The following DKK2 variants were observed in gnomAD, a reference collection of about 807,000 sequenced individuals.
DKK2 encodes dickkopf-related protein 2.
A neutral mutation model predicts 28.1 loss-of-function variants in DKK2; 11 were observed. That is an observed-to-expected ratio of 0.39 (90% CI 0.25 to 0.65). DKK2 has a LOEUF of 0.65. Among genes scored for constraint, DKK2 ranks in the 30% least tolerant of loss-of-function variants. DKK2 has a pLI of 0.47. For synonymous variants in DKK2, 135 were observed against 126.5 expected, an observed-to-expected ratio of 1.07 and a Z score of -0.45; for missense variants, 326 against 335.5, an observed-to-expected ratio of 0.97 and a Z score of 0.22.
intron 1 of DKK2, among the ~76,000 whole-genome samples, chr4:106,949,670 A>G (rs1301515186): frequency 6.6e-6 from 1 of 152,106 alleles, no homozygotes; most frequent in African/African-American, 2.4e-5. Context: ...TTATATATGG[A>G]ATGAAGGAAA....
chr4:107,009,401 C>G (rs553513489), intron 1 of DKK2, among the ~76,000 whole-genome samples: 4 of 152,076 alleles, frequency 2.6e-5, no homozygotes, highest in South Asian at 2.1e-4. Context: ...AAACTTGGCA[C>G]AGCCGAGTGA....
chr4:107,013,995 C>T (rs1222011471), intron 1 of DKK2, among the ~76,000 whole-genome samples: 1 of 151,290 alleles, frequency 6.6e-6, no homozygotes, highest in Non-Finnish European at 1.5e-5. Flanking sequence ...ATAACAAATA[C>T]CGGCAAGGAT....
intron 1 of DKK2, among the ~76,000 whole-genome samples, chr4:106,988,025 C>T (rs1399841529): frequency 3.9e-5 from 6 of 152,036 alleles, no homozygotes; most frequent in African/African-American, 9.7e-5. Flanking sequence ...CCATCACGCC[C>T]GGCTAATTTT....
intron 1 of DKK2, among the ~76,000 whole-genome samples, chr4:107,003,410 CT>C (rs2110366019): frequency 6.6e-6 from 1 of 152,344 alleles, no homozygotes; most frequent in South Asian, 2.1e-4. Flanking sequence ...TGTGCTCACG[CT>C]CTACTTCTTG....
intron 1 of DKK2, among the ~76,000 whole-genome samples, chr4:106,991,947 T>C (rs1468062713): frequency 6.6e-6 from 1 of 152,162 alleles, no homozygotes; most frequent in Non-Finnish European, 1.5e-5. Flanking sequence ...GTCTTTTGCG[T>C]CACTCCTTTT....
chr4:106,954,613 C>A (rs1262964791), intron 1 of DKK2, among the ~76,000 whole-genome samples: 1 of 152,080 alleles, frequency 6.6e-6, no homozygotes, highest in Non-Finnish European at 1.5e-5. Flanking sequence ...CTTCTGCCAC[C>A]CAGGTTCAAG....
intron 1 of DKK2, among the ~76,000 whole-genome samples, chr4:106,957,235 T>C (rs1722607879): frequency 6.6e-6 from 1 of 151,148 alleles, no homozygotes; most frequent in Non-Finnish European, 1.5e-5. Flanking sequence ...ATGGCAATCA[T>C]TAAAAAGTCA....
intron 1 of DKK2, among the ~76,000 whole-genome samples, chr4:107,020,609 G>A (rs1011008287): frequency 6.6e-6 from 1 of 151,970 alleles, no homozygotes; most frequent in African/African-American, 2.4e-5. Flanking sequence ...ATTTAGAATT[G>A]TATAAATCTA....
At chr4:106,984,446 T>G (rs2866907) in intron 1 of DKK2, among the ~76,000 whole-genome samples, 32,222 of 152,146 alleles carry the variant, frequency 0.21, 3,653 homozygotes, top group East Asian at 0.42. Flanking sequence ...TGCAACATGT[T>G]ACCTGTGTCT....
intron 1 of DKK2, among the ~76,000 whole-genome samples, chr4:106,992,161 G>A (rs116787754): frequency 0.013 from 1,985 of 152,160 alleles, 14 homozygotes; most frequent in Middle Eastern, 0.037. Context: ...AGTAACATAC[G>A]TGTTGCTAGA....
In DKK2 at chr4:106,957,967, T is replaced by TAA. The variant is rs575707919; in HGVS notation, c.223-32019_223-32018insTT. ...TAAAAAAGATGATTCTCTACTAGCA[T>TAA]TTTTTTCCAAGAGTAATAATTCTTT... On this transcript the variant is annotated intron_variant, in intron 1 of 3. Coordinates refer to ENST00000285311, the MANE Select transcript of DKK2 (RefSeq NM_014421.3). Among the ~76,000 whole-genome samples, 1,313 of 150,794 alleles carry TAA rather than the reference T, an allele frequency of 8.7e-3. 29 individuals are homozygous for TAA. The highest frequency in any genetic ancestry group is 0.031 in the African/African-American group (1,279 of 41,282).
chr4:106,983,806 A>G (rs1202834422), intron 1 of DKK2, among the ~76,000 whole-genome samples: 1 of 152,244 alleles, frequency 6.6e-6, no homozygotes, highest in East Asian at 1.9e-4. Flanking sequence ...AAAGACGTGA[A>G]GAGACATTTC....
At chr4:106,928,697 A>ATAAC (rs1724458329) in intron 1 of DKK2, among the ~76,000 whole-genome samples, 1 of 152,182 alleles carries the variant, frequency 6.6e-6, no homozygotes, top group South Asian at 2.1e-4. Context: ...TTACCTTGTA[A>ATAAC]TAACTTCTAG....
At chr4:107,001,948 C>T (rs1723365970) in intron 1 of DKK2, among the ~76,000 whole-genome samples, 1 of 152,164 alleles carries the variant, frequency 6.6e-6, no homozygotes, top group Non-Finnish European at 1.5e-5. Context: ...TTTGATTACA[C>T]CACTACAGAC....
intron 1 of DKK2, among the ~76,000 whole-genome samples, chr4:106,970,948 G>C (rs1480469112): frequency 6.6e-6 from 1 of 152,052 alleles, no homozygotes; most frequent in African/African-American, 2.4e-5. Context: ...ACAGAAAAAA[G>C]GAATACAATA....
intron 1 of DKK2, among the ~76,000 whole-genome samples, chr4:107,000,627 T>C (rs1370792706): frequency 6.6e-6 from 1 of 152,214 alleles, no homozygotes; most frequent in Non-Finnish European, 1.5e-5. Flanking sequence ...AGGGACCCTG[T>C]TCCAGATTTC....
intron 1 of DKK2, among the ~76,000 whole-genome samples, chr4:107,007,438 C>T (rs927093861): frequency 6.6e-6 from 1 of 151,914 alleles, no homozygotes; most frequent in African/African-American, 2.4e-5. Context: ...AGAGTGACTC[C>T]GTTTATCCAT....
intron 1 of DKK2, among the ~76,000 whole-genome samples, chr4:106,946,576 C>A (rs1168801674): frequency 6.6e-6 from 1 of 152,120 alleles, no homozygotes; most frequent in East Asian, 1.9e-4. Context: ...CCAAACTAAT[C>A]TTCAAGAAGC....
chr4:106,988,774 A>C (rs1226937272), intron 1 of DKK2, among the ~76,000 whole-genome samples: 1 of 152,230 alleles, frequency 6.6e-6, no homozygotes, highest in Non-Finnish European at 1.5e-5. Flanking sequence ...AAGTAAGAAC[A>C]GGAGAAAGCA....
Sources: gnomAD v4.1 joint callset for allele counts (sites outside exome capture counted in the v4.1 genomes callset) on GRCh38, gnomAD v4.1.1 for gene constraint, MANE v1.5 for transcripts, NCBI Gene and HGNC (gene_info 2026-07-23, HGNC 2026-07-21) for gene names.